Variants in SYT1 observed in about 807,000 individuals in gnomAD.
SYT1 encodes the protein synaptotagmin 1.
In SYT1, 8 loss-of-function variants were observed where a neutral mutation model predicts 44.8. That is an observed-to-expected ratio of 0.18 (90% CI 0.10 to 0.32). The LOEUF is 0.32. Ranked by LOEUF, SYT1 falls within the 10% of genes least tolerant of loss-of-function variation. SYT1 has a pLI of 1.00. For synonymous variants in SYT1, 154 were observed against 188.8 expected (o/e 0.82, Z 1.51); for missense variants, 286 against 509.3 (o/e 0.56, Z 4.22).
intron 3 of SYT1, among the ~76,000 whole-genome samples, chr12:79,209,724 G>C (rs1874328900): frequency 6.6e-6 from 1 of 152,172 alleles, no homozygotes; most frequent in Non-Finnish European, 1.5e-5. Flanking sequence ...GAAAGCCCCA[G>C]GGCATGGGAA....
At chr12:79,301,285 G>A (rs1380138527) in intron 8 of SYT1, among the ~76,000 whole-genome samples, 1 of 152,126 alleles carries the variant, frequency 6.6e-6, no homozygotes, top group Non-Finnish European at 1.5e-5. Context: ...TAATTATCAG[G>A]TGGTAATGAC....
At chr12:79,036,978 T>C (rs1190681073) in intron 2 of SYT1, among the ~76,000 whole-genome samples, 3 of 151,802 alleles carry the variant, frequency 2.0e-5, no homozygotes, top group African/African-American at 2.4e-5. Context: ...ATGGACTAAA[T>C]AGAGGCATCA....
chr12:79,298,431 C>T (rs1879977476), intron 7 of SYT1, among the ~76,000 whole-genome samples: 1 of 152,226 alleles, frequency 6.6e-6, no homozygotes, highest in East Asian at 1.9e-4. Context: ...TCTTCCTTTT[C>T]TTCCCTCCTT....
chr12:79,125,347 G>A (rs985780242), intron 3 of SYT1, among the ~76,000 whole-genome samples: 4 of 151,360 alleles, frequency 2.6e-5, no homozygotes, highest in East Asian at 1.9e-4. Flanking sequence ...GCAGTAGCAC[G>A]TGCCTATAAT....
At chr12:78,956,725 G>A (rs1001957415) in intron 1 of SYT1, among the ~76,000 whole-genome samples, 6 of 152,080 alleles carry the variant, frequency 3.9e-5, no homozygotes, top group African/African-American at 1.4e-4. Flanking sequence ...TATGGAAAAT[G>A]TAGTTAAAAG....
intron 3 of SYT1, among the ~76,000 whole-genome samples, chr12:79,154,400 T>A (rs1870464540): frequency 6.6e-6 from 1 of 151,780 alleles, no homozygotes; most frequent in African/African-American, 2.4e-5. Flanking sequence ...GGTACGTTTT[T>A]TTCTCCTTTT....
At chr12:79,205,981 CCAT>C (rs1179344656) in intron 3 of SYT1, among the ~76,000 whole-genome samples, 2 of 151,978 alleles carry the variant, frequency 1.3e-5, no homozygotes, top group Non-Finnish European at 2.9e-5. Context: ...CTCTAAGAGA[CCAT>C]TAACTACAAG....
intron 6 of SYT1, among the ~76,000 whole-genome samples, chr12:79,293,406 A>AAAATAAAATAAAATT (rs1491364410): frequency 4.2e-4 from 27 of 63,766 alleles, no homozygotes; most frequent in East Asian, 3.6e-3. Flanking sequence ...AAAATAAAAT[A>AAAATAAAATAAAATT]AAATTAAAAA....
intron 9 of SYT1, among the ~76,000 whole-genome samples, chr12:79,411,582 C>A (rs890075659): frequency 6.6e-6 from 1 of 151,960 alleles, no homozygotes; most frequent in African/African-American, 2.4e-5. Context: ...TAAATCAAAC[C>A]TTTTGTGTTT....
chr12:79,314,317 T>A (rs976529092), intron 8 of SYT1, among the ~76,000 whole-genome samples: 96 of 152,280 alleles, frequency 6.3e-4, no homozygotes, highest in African/African-American at 2.2e-3. Flanking sequence ...AGCCTAAGTG[T>A]TCAGAAGGCA....
chr12:79,383,820 A>G (rs774728857), intron 9 of SYT1, among the ~76,000 whole-genome samples: 12 of 152,338 alleles, frequency 7.9e-5, no homozygotes, highest in Non-Finnish European at 1.5e-4. Flanking sequence ...TTTCTAAAAG[A>G]TGCAAATCAC....
At chr12:78,995,248 C>G (rs574876094) in intron 2 of SYT1, among the ~76,000 whole-genome samples, 1 of 152,272 alleles carries the variant, frequency 6.6e-6, no homozygotes, top group South Asian at 2.1e-4. Context: ...TCATTGAAAC[C>G]AGGCCCAAAC....
At chr12:79,334,644 C>G (rs1882007139) in intron 8 of SYT1, among the ~76,000 whole-genome samples, 1 of 152,102 alleles carries the variant, frequency 6.6e-6, no homozygotes, top group African/African-American at 2.4e-5. Context: ...TTCCTGCAAC[C>G]CTATATGAAT....
intron 3 of SYT1, among the ~76,000 whole-genome samples, chr12:79,097,080 G>T (rs930697057): frequency 9.2e-5 from 14 of 151,960 alleles, no homozygotes; most frequent in Non-Finnish European, 2.1e-4. Context: ...ACCTGATTTT[G>T]GAAGTGTTGC....
At chr12:79,027,880 C>T (rs896083584) in intron 2 of SYT1, among the ~76,000 whole-genome samples, 16 of 151,546 alleles carry the variant, frequency 1.1e-4, no homozygotes, top group East Asian at 5.9e-4. Context: ...CATCAACCAC[C>T]GGCCAAATTT....
intron 1 of SYT1, chr12:78,955,624 G>A (rs760876830): frequency 7.2e-5 from 11 of 151,838 alleles, no homozygotes; most frequent in Non-Finnish European, 1.0e-4. Flanking sequence ...TGAGGGCAGA[G>A]CCCCCCCAAA....
chr12:78,969,945 T>A (rs1471185802), intron 1 of SYT1, among the ~76,000 whole-genome samples: 4 of 152,212 alleles, frequency 2.6e-5, no homozygotes, highest in Non-Finnish European at 5.9e-5. Context: ...CTTTCTTTCC[T>A]AATAATGGGA....
intron 4 of SYT1, among the ~76,000 whole-genome samples, chr12:79,226,304 ATTAC>A (rs1317561051): frequency 6.6e-6 from 1 of 152,172 alleles, no homozygotes. Context: ...AGAGCCAGCT[ATTAC>A]TTTATTTTTT....
chr12:78,951,188 G>C (rs1159277447), intron 1 of SYT1, among the ~76,000 whole-genome samples: 1 of 152,034 alleles, frequency 6.6e-6, no homozygotes, highest in Non-Finnish European at 1.5e-5. Flanking sequence ...ATCCTTACTT[G>C]TAACTTTTTA....
Sources: gnomAD v4.1 joint callset for allele counts (sites outside exome capture counted in the v4.1 genomes callset) on GRCh38, gnomAD v4.1.1 for gene constraint, MANE v1.5 for transcripts, NCBI Gene and HGNC (gene_info 2026-07-23, HGNC 2026-07-21) for gene names.